Variants in CTNNA3 observed in about 807,000 individuals in gnomAD.
The protein encoded by CTNNA3 is catenin alpha-3.
A neutral mutation model predicts 95.7 loss-of-function variants in CTNNA3; 76 were observed. The ratio of observed to expected loss-of-function variants is 0.79; its 90% CI spans 0.66 to 0.96. The LOEUF (loss-of-function observed/expected upper bound fraction) is 0.96, where lower values mean the gene tolerates loss of function less well. CTNNA3 is among the 40% of genes least tolerant of loss of function. The pLI is 0.00. For synonymous variants in CTNNA3, 431 were observed against 374.4 expected, an observed-to-expected ratio of 1.15 and a Z score of -1.74; for missense variants, 1,191 against 1,089.8, an observed-to-expected ratio of 1.09 and a Z score of -1.31.
At chr10:67,708,705 G>C (rs1422194540) in intron 1 of CTNNA3, among the ~76,000 whole-genome samples, 3 of 152,066 alleles carry the variant, frequency 2.0e-5, no homozygotes, top group African/African-American at 7.2e-5. Flanking sequence ...TGTAAAGCAA[G>C]TCTCACCTAA....
At position 66,773,731 on chromosome 10, in the gene CTNNA3, C is replaced by T. The variant is rs542100216; in HGVS notation, c.1128+1713G>A. On this transcript the variant is annotated intron_variant, in intron 8 of 17. Transcript: ENST00000433211. Reference sequence around the variant, plus strand: ...GGAGATGTTAACCTGTGAAACCATACAGAATGTTAATACCTTCAGAGCACA... The same window carrying T: ...GGAGATGTTAACCTGTGAAACCATATAGAATGTTAATACCTTCAGAGCACA... 2.6e-3 allele frequency among the ~76,000 whole-genome samples: 392 copies of T among 152,284 alleles called. 3 individuals carry two copies. Among genetic ancestry groups the T allele is most frequent in the African/African-American group, 9.0e-3 (373 of 41,546 alleles).
chr10:67,446,073 A>G (rs1846733727), intron 5 of CTNNA3, among the ~76,000 whole-genome samples: 1 of 152,196 alleles, frequency 6.6e-6, no homozygotes, highest in Admixed American at 6.5e-5. Flanking sequence ...AACGCGAGAT[A>G]CAGTCTCTGC....
At chr10:66,806,757 T>TATGC (rs1841663215) in intron 7 of CTNNA3, among the ~76,000 whole-genome samples, 1 of 2,608 alleles carries the variant, frequency 3.8e-4, no homozygotes, top group African/African-American at 3.4e-3. Flanking sequence ...GTGGCATATA[T>TATGC]GTGTGTGTGT....
intron 16 of CTNNA3, among the ~76,000 whole-genome samples, chr10:65,970,234 A>T (rs937442126): frequency 2.6e-4 from 39 of 152,268 alleles, no homozygotes; most frequent in African/African-American, 8.7e-4. Context: ...CACTAAAAAA[A>T]TTAATTACCA....
chr10:67,520,126 A>T (rs1839938575), intron 5 of CTNNA3, among the ~76,000 whole-genome samples: 1 of 152,226 alleles, frequency 6.6e-6, no homozygotes, highest in Non-Finnish European at 1.5e-5. Flanking sequence ...CTGTATTGTT[A>T]TAAGCATTTA....
At chr10:67,045,774 A>G (rs1854705431) in intron 7 of CTNNA3, among the ~76,000 whole-genome samples, 1 of 152,106 alleles carries the variant, frequency 6.6e-6, no homozygotes, top group South Asian at 2.1e-4. Context: ...ACCGAACTGG[A>G]GAAAGTTTCA....
At chr10:67,471,858 C>G (rs1847841560) in intron 5 of CTNNA3, among the ~76,000 whole-genome samples, 1 of 151,902 alleles carries the variant, frequency 6.6e-6, no homozygotes, top group Non-Finnish European at 1.5e-5. Flanking sequence ...GGTCTTTCTG[C>G]AAAAAGAATG....
At chr10:67,195,505 C>T (rs1416411180) in intron 6 of CTNNA3, among the ~76,000 whole-genome samples, 1 of 130,330 alleles carries the variant, frequency 7.7e-6, no homozygotes, top group African/African-American at 2.7e-5. Context: ...GTTTTAATAT[C>T]GGGGGCGGGG....
Position 67,562,825 on chromosome 10 carries a change from A to G in CTNNA3, c.293-23156T>C, listed in dbSNP as rs897605562. On this transcript the variant is annotated intron_variant, in intron 3 of 17. Coordinates refer to ENST00000433211, the MANE Select transcript of CTNNA3 (RefSeq NM_013266.4). Reference sequence around the variant, plus strand: ...ACAAAATCAATGTGCAAAAGTCACAAGCATTCTTATACACCAATAACAGAC... The same window carrying G: ...ACAAAATCAATGTGCAAAAGTCACAGGCATTCTTATACACCAATAACAGAC... 7.7e-4 allele frequency among the ~76,000 whole-genome samples: 117 copies of G among 152,270 alleles called. 1 individual carries two copies. Among genetic ancestry groups the G allele is most frequent in the African/African-American group, 2.7e-3 (111 of 41,514 alleles).
chr10:67,266,290 C>CA (rs145450442), intron 5 of CTNNA3, among the ~76,000 whole-genome samples: 1 of 151,536 alleles, frequency 6.6e-6, no homozygotes, highest in African/African-American at 2.4e-5. Flanking sequence ...TATTTTTGTT[C>CA]AAAAAAAATA....
chr10:66,791,558 C>CT (rs1469923733), intron 7 of CTNNA3, among the ~76,000 whole-genome samples: 1 of 152,206 alleles, frequency 6.6e-6, no homozygotes, highest in Non-Finnish European at 1.5e-5. Flanking sequence ...CTTAACACAG[C>CT]TTGTAATGAT....
At chr10:66,703,235 G>A (rs7088817) in intron 9 of CTNNA3, among the ~76,000 whole-genome samples, 68 of 152,212 alleles carry the variant, frequency 4.5e-4, no homozygotes, top group Non-Finnish European at 9.1e-4. Flanking sequence ...TAGTCACTGC[G>A]TTCCAAGTGT....
chr10:67,566,524 G>A (rs1184258913), intron 3 of CTNNA3, among the ~76,000 whole-genome samples: 2 of 152,212 alleles, frequency 1.3e-5, no homozygotes, highest in African/African-American at 4.8e-5. Context: ...GGAAACAACA[G>A]GTGCTGGAGA....
At chr10:66,124,030 G>A (rs960934584) in intron 13 of CTNNA3, among the ~76,000 whole-genome samples, 2 of 152,028 alleles carry the variant, frequency 1.3e-5, no homozygotes, top group South Asian at 2.1e-4. Flanking sequence ...CATTACTTAC[G>A]CAAATTTCTG....
chr10:66,520,994 T>TA (rs1199145506), intron 10 of CTNNA3, among the ~76,000 whole-genome samples: 1 of 151,300 alleles, frequency 6.6e-6, no homozygotes, highest in Non-Finnish European at 1.5e-5. Context: ...AAATGGAATT[T>TA]AAAAAAATCT....
At chr10:66,014,484 G>A (rs974272130) in intron 15 of CTNNA3, among the ~76,000 whole-genome samples, 1 of 152,138 alleles carries the variant, frequency 6.6e-6, no homozygotes, top group Non-Finnish European at 1.5e-5. Context: ...GATTTGAAAA[G>A]TTCCCAATTT....
intron 9 of CTNNA3, among the ~76,000 whole-genome samples, chr10:66,659,512 G>A (rs960415853): frequency 2.6e-5 from 4 of 152,148 alleles, no homozygotes; most frequent in African/African-American, 9.7e-5. Context: ...TACTTACAAG[G>A]AATATTTAAA....
chr10:66,337,104 T>C (rs946104459), intron 12 of CTNNA3, among the ~76,000 whole-genome samples: 2 of 152,150 alleles, frequency 1.3e-5, no homozygotes, highest in Non-Finnish European at 2.9e-5. Context: ...ATATATTTAT[T>C]TTTCATAAAA....
chr10:66,811,234 C>G (rs915437748), intron 7 of CTNNA3, among the ~76,000 whole-genome samples: 4 of 152,098 alleles, frequency 2.6e-5, no homozygotes, highest in African/African-American at 9.7e-5. Flanking sequence ...GCTCTGACAA[C>G]AAGGGCACAT....
Sources: gnomAD v4.1 joint callset for allele counts (sites outside exome capture counted in the v4.1 genomes callset) on GRCh38, gnomAD v4.1.1 for gene constraint, MANE v1.5 for transcripts, NCBI Gene and HGNC (gene_info 2026-07-23, HGNC 2026-07-21) for gene names.